The following ORC5 variants were observed in gnomAD, a reference collection of about 807,000 sequenced individuals.
ORC5 encodes the protein origin recognition complex subunit 5.
Under a neutral mutation model 58.8 loss-of-function variants are expected in ORC5, and 39 were observed. The observed-to-expected ratio is 0.66, with a 90% CI of 0.51 to 0.87. The LOEUF (loss-of-function observed/expected upper bound fraction) is 0.87. ORC5 is among the 40% of genes least tolerant of loss of function. The probability of loss-of-function intolerance (pLI) is 0.00; values close to 1 mark genes in which losing one functional copy is unlikely to be tolerated. For missense variants in ORC5, 493 were observed against 506.3 expected, an observed-to-expected ratio of 0.97 and a Z score of 0.25; for synonymous variants, 218 against 177.6, an observed-to-expected ratio of 1.23 and a Z score of -1.81.
chr7:104,188,360 GA>G lies in ORC5; in HGVS notation c.574del (p.Ser192ProfsTer31), dbSNP rs1269882850. Reference sequence around the variant, plus strand: ...TGAATACTCTGGAGGATGATCATGGGACAGGATCTTTTGAAGGTTGCCTGTT... The same window carrying G: ...TGAATACTCTGGAGGATGATCATGGGCAGGATCTTTTGAAGGTTGCCTGTT... ...YSIGNLQKILSHDHPPEYSAD... is the reference protein window; with the variant it reads ...YSIGNLQKILXHDHPPEYSAD... On this transcript the variant is annotated frameshift_variant, in exon 6 of 14. Transcript: ENST00000297431. LOFTEE classifies it high-confidence loss of function. 2 of 1,608,280 alleles carry G rather than the reference GA, an allele frequency of 1.2e-6. No homozygotes were observed. Among genetic ancestry groups the G allele is most frequent in the South Asian group, 2.2e-5 (2 of 90,724 alleles).
intron 10 of ORC5, 33 bp downstream of exon 10, chr7:104,166,739 A>G: frequency 8.5e-7 from 1 of 1,183,396 alleles, no homozygotes; most frequent in Non-Finnish European, 1.2e-6. Context: ...GGGATCTTAA[A>G]AAATAAAGTG....
Position 104,183,832 on chromosome 7 carries a change from CA to C in ORC5, c.824+110del, listed in dbSNP as rs1799485353. On this transcript the variant is annotated intron_variant, in intron 8 of 13. Transcript: ENST00000297431. ...GCTTTCCCATTGCAATGCCAATCCT[CA>C]AACAGATATCTTTTTCTTTTAGAGT... 5.5e-6 allele frequency: 4 copies of C among 727,636 alleles called. No homozygotes were observed. The East Asian group carries it at 1.1e-4, about 20-fold the overall frequency. The allele number at this position is 727,636 out of a possible 1,614,324, so 45.1% of individuals were successfully genotyped here. A position where few individuals can be genotyped will look rare whatever the true frequency, so the allele number is the denominator to read the frequency against.
chr7:104,207,863 T>A lies in ORC5; in HGVS notation c.42A>T (p.Gln14His). ...CAAACAAGGACTGCAAGATGGACACTTGAGACTCGCGACAAAGCACCACGT... is the reference window on the plus strand; with the variant it reads ...CAAACAAGGACTGCAAGATGGACACATGAGACTCGCGACAAAGCACCACGT... ...LENVVLCRES[Q>H]VSILQSLFGE... The change falls in exon 1 of 14, where the codon CAA becomes CAT. Residue 14 changes from glutamine to histidine, a missense_variant. Gln to His is a conservative substitution (Grantham distance 24). Coordinates refer to ENST00000297431, the MANE Select transcript of ORC5 (RefSeq NM_002553.4). 1 of 1,614,192 alleles carries A rather than the reference T, an allele frequency of 6.2e-7. No homozygotes were observed. The highest frequency in any genetic ancestry group is 2.2e-5 in the East Asian group (1 of 44,870).
At position 104,166,871 on chromosome 7, in the gene ORC5, A is replaced by G; in HGVS notation, c.891T>C (p.His297=). 1 of 1,599,460 alleles carries G rather than the reference A, an allele frequency of 6.3e-7. No homozygotes were observed. The highest frequency in any genetic ancestry group is 1.3e-5 in the African/African-American group (1 of 74,658). ...DPGQLKGLSA[H]THVELPYYSK... The stretch of plus-strand genomic sequence containing the variant: ...AGTAATATGGAAGTTCCACATGAGT[A>G]TGCGCTGAGAGGCCTATATAACAAA... Residue 297 remains histidine (H), a synonymous_variant, in exon 10 of 14, where the codon CAT becomes CAC. Coordinates refer to ENST00000297431, the MANE Select transcript of ORC5 (RefSeq NM_002553.4).
At position 104,204,166 on chromosome 7, in the gene ORC5, T is replaced by G. The variant is rs768163104; in HGVS notation, c.141A>C (p.Thr47=). The G allele has an allele frequency of 6.3e-7, 1 of 1,588,042 alleles. No homozygotes were observed. The highest frequency in any genetic ancestry group is 1.2e-5 in the South Asian group (1 of 85,352). ...GHTASGKTYV[T]QTLLKTLELP... ...CCTCTAAAGTTTTCAACAACGTTTG[T>G]GTTACATAGGTCTTTCCACTAGCAG... Residue 47 remains threonine (T), a synonymous_variant, in exon 2 of 14, where the codon ACA becomes ACC. Transcript: ENST00000297431.
chr7:104,165,274 T>C lies in ORC5; in HGVS notation c.999A>G (p.Gly333=), dbSNP rs1291166710. ...TTAGAAAGTTGGTTTTCTTGATTTT[T>C]CCATGATGCTGCAATTAAGGAAAAC... ...TDKRFFLKHH[G]KIKKTNFLKK... Residue 333 remains glycine (G), a synonymous_variant, in exon 11 of 14, where the codon GGA becomes GGG. Coordinates refer to ENST00000297431, the MANE Select transcript of ORC5 (RefSeq NM_002553.4). 6.5e-7 allele frequency: 1 copy of C among 1,531,986 alleles called. No homozygotes were observed. The highest frequency in any genetic ancestry group is 8.9e-7 in the Non-Finnish European group (1 of 1,119,154). 94.9% of individuals were successfully genotyped at this position (1,531,986 alleles called of 1,614,324 possible). A position where few individuals can be genotyped will look rare whatever the true frequency, so the allele number is the denominator to read the frequency against.
intron 1 of ORC5, 84 bp from the exon 2 acceptor site, chr7:104,204,318 G>C (rs936269889): frequency 1.3e-6 from 1 of 781,988 alleles, no homozygotes; most frequent in Non-Finnish European, 2.1e-6. Flanking sequence ...GTTGTACGTG[G>C]AAAAGTGAAA....
At chr7:104,159,327 T>G in intron 12 of ORC5, among the ~76,000 whole-genome samples, 1 of 59,970 alleles carries the variant, frequency 1.7e-5, no homozygotes, top group Non-Finnish European at 2.9e-5. Flanking sequence ...GGGACTGTTG[T>G]GGGGTGGGGG....
Position 104,126,714 on chromosome 7 carries a change from C to T in ORC5, c.*134G>A, listed in dbSNP as rs1447387030. On this transcript the variant is annotated 3_prime_UTR_variant, in exon 14 of 14. Transcript: ENST00000297431. ...CAATCAGAATATTTTCATCAGATTC[C>T]ATGCTGGGCCAGCACCTGTTTGGAC... 9.7e-6 allele frequency: 6 copies of T among 619,180 alleles called. No homozygotes were observed. Among genetic ancestry groups the T allele is most frequent in the Non-Finnish European group, 1.7e-5 (6 of 351,146 alleles). The allele number at this position is 619,180 out of a possible 1,614,324, so 38.4% of individuals were successfully genotyped here.
intron 2 of ORC5, among the ~76,000 whole-genome samples, chr7:104,203,831 G>A (rs1357370274): frequency 6.6e-6 from 1 of 152,152 alleles, no homozygotes; most frequent in Non-Finnish European, 1.5e-5. Flanking sequence ...AAAAACAATG[G>A]TAAATGAAAA....
At chr7:104,175,084 A>C (rs1799295566) in intron 8 of ORC5, among the ~76,000 whole-genome samples, 1 of 152,110 alleles carries the variant, frequency 6.6e-6, no homozygotes, top group African/African-American at 2.4e-5. Flanking sequence ...CTATATAATA[A>C]ATTTTCACTC....
At position 104,188,345 on chromosome 7, in the gene ORC5, G is replaced by A; in HGVS notation, c.590C>T (p.Pro197Leu). The part of the protein sequence containing the change: ...LQKILSHDHP[P>L]EYSADFYAAY... ...AGCATAGAAATCAGCTGAATACTCT[G>A]GAGGATGATCATGGGACAGGATCTT... The change falls in exon 6 of 14, where the codon CCA becomes CTA. Residue 197 changes from proline to leucine, a missense_variant. Pro to Leu is a moderately conservative substitution (Grantham distance 98, BLOSUM62 -3). Transcript: ENST00000297431. 1 of 1,610,136 alleles carries A rather than the reference G, an allele frequency of 6.2e-7. No individual in the cohort carries two copies. Among genetic ancestry groups the A allele is most frequent in the Non-Finnish European group, 8.5e-7 (1 of 1,176,734 alleles).
intron 1 of ORC5, among the ~76,000 whole-genome samples, chr7:104,204,749 G>T (rs1285206824): frequency 2.6e-5 from 4 of 152,162 alleles, no homozygotes; most frequent in Non-Finnish European, 4.4e-5. Context: ...ACTCACTGAT[G>T]CTGGCATAAA....
chr7:104,191,320 G>T (rs938398013), intron 5 of ORC5, among the ~76,000 whole-genome samples: 2 of 152,022 alleles, frequency 1.3e-5, no homozygotes, highest in East Asian at 1.9e-4. Flanking sequence ...CTGGATGGAT[G>T]TAAGAAAAGA....
At chr7:104,183,906 A>G (rs1181818814) in intron 8 of ORC5, 37 bp downstream of exon 8, 2 of 1,296,642 alleles carry the variant, frequency 1.5e-6, no homozygotes, top group Admixed American at 1.9e-5. Context: ...CCAAATAAAG[A>G]TATAAAAACT....
intron 4 of ORC5, among the ~76,000 whole-genome samples, chr7:104,195,735 A>AGCAT (rs1799786027): frequency 6.6e-6 from 1 of 152,224 alleles, no homozygotes; most frequent in Admixed American, 6.5e-5. Context: ...GGGGTAAAAT[A>AGCAT]GCATGCCCTA....
chr7:104,127,037 CATTA>C (rs1313615903), intron 13 of ORC5, 144 bp from the exon 14 acceptor site: 3 of 410,948 alleles, frequency 7.3e-6, no homozygotes, highest in Non-Finnish European at 4.4e-6. Flanking sequence ...ATAGGACTGA[CATTA>C]ATTCTTTAAA....
Position 104,200,823 on chromosome 7 carries a change from C to T in ORC5, c.301G>A (p.Asp101Asn), listed in dbSNP as rs935368815. ...ACTTGTTTAAACAAGCGAACAAAGT[C>T]ATTAAATGTTTCACAGGTTATTTCA... ...STEITCETFNDFVRLFKQVTT... is the reference protein window; with the variant it reads ...STEITCETFNNFVRLFKQVTT... The change falls in exon 3 of 14, where the codon GAC (aspartate) becomes AAC (asparagine). Residue 101 changes from aspartate (D) to asparagine (N), a missense_variant. Physicochemically the swap from Asp to Asn is conservative, Grantham distance 23. Around this residue, in one of 3 missense-constraint regions of ORC5, gnomAD observed 412 missense variants for 403.7 expected, o/e 1.02. Transcript: ENST00000297431. 1 of 1,612,922 alleles carries T rather than the reference C, an allele frequency of 6.2e-7. No homozygotes were observed. Among genetic ancestry groups the T allele is most frequent in the Non-Finnish European group, 8.5e-7 (1 of 1,179,044 alleles).
intron 8 of ORC5, among the ~76,000 whole-genome samples, chr7:104,173,965 C>G (rs1016096939): frequency 6.7e-6 from 1 of 150,096 alleles, no homozygotes; most frequent in African/African-American, 2.4e-5. Flanking sequence ...CTGCCTCAGC[C>G]TCCCAAGTAG....
Sources: gnomAD v4.1 joint callset for allele counts (sites outside exome capture counted in the v4.1 genomes callset) on GRCh38, gnomAD v4.1.1 for gene constraint, gnomAD v4.1.1 regional missense constraint, MANE v1.5 for transcripts, NCBI Gene and HGNC (gene_info 2026-07-23, HGNC 2026-07-21) for gene names.